C16orf78: variants seen among roughly 807,000 people sequenced by gnomAD.
The protein encoded by C16orf78 is uncharacterized protein C16orf78.
C16orf78 carries 19 observed loss-of-function variants against 27.3 expected under a neutral mutation model. The ratio of observed to expected loss-of-function variants is 0.70; its 90% CI spans 0.49 to 1.02. C16orf78 has a LOEUF of 1.02. Among genes scored for constraint, C16orf78 ranks in the 50% least tolerant of loss-of-function variants. The pLI, the probability that C16orf78 is intolerant of heterozygous loss-of-function variation, is 0.00. For missense variants in C16orf78, 339 were observed against 337.0 expected, an observed-to-expected ratio of 1.01 and a Z score of -0.05; for synonymous variants, 130 against 116.1, an observed-to-expected ratio of 1.12 and a Z score of -0.77.
At chr16:49,391,815 T>C (rs944419942) in intron 3 of C16orf78, among the ~76,000 whole-genome samples, 1 of 152,176 alleles carries the variant, frequency 6.6e-6, no homozygotes, top group Non-Finnish European at 1.5e-5. Flanking sequence ...GGAAAGGTGA[T>C]TGCCCTTTCT....
chr16:49,399,110 C>A, intron 4 of C16orf78, 21 bp from the exon 5 acceptor site: 2 of 1,612,292 alleles, frequency 1.2e-6, no homozygotes, highest in African/African-American at 1.3e-5. Context: ...CAACTGACCT[C>A]TTTTGCCTTC....
At chr16:49,394,268 C>A (rs774616161) in intron 3 of C16orf78, among the ~76,000 whole-genome samples, 19 of 151,614 alleles carry the variant, frequency 1.3e-4, no homozygotes, top group Non-Finnish European at 1.9e-4. Context: ...AAAAGTTGGC[C>A]AATAATATAA....
At chr16:49,396,737 T>C in intron 4 of C16orf78, 59 bp downstream of exon 4, 1 of 1,562,044 alleles carries the variant, frequency 6.4e-7, no homozygotes, top group East Asian at 2.2e-5. Context: ...CTTTGCTCAC[T>C]CTTGTCCCTG....
intron 3 of C16orf78, among the ~76,000 whole-genome samples, chr16:49,392,821 C>T (rs541659467): frequency 6.6e-6 from 1 of 152,284 alleles, no homozygotes; most frequent in South Asian, 2.1e-4. Context: ...TATGGTTTGA[C>T]TGTGTCCCCA....
chr16:49,393,582 A>G (rs1965439240), intron 3 of C16orf78, among the ~76,000 whole-genome samples: 1 of 152,168 alleles, frequency 6.6e-6, no homozygotes, highest in Admixed American at 6.5e-5. Flanking sequence ...CCTATGAGAC[A>G]TAGGCAAAAC....
In C16orf78 at chr16:49,377,728, C is replaced by T. The variant is rs919891758; in HGVS notation, c.151-3C>T. On this transcript the variant is annotated splice_polypyrimidine_tract_variant and splice_region_variant and intron_variant, in intron 1 of 4. Coordinates refer to ENST00000299191, the MANE Select transcript of C16orf78 (RefSeq NM_144602.4). ...GCAGGGCTCTCTTCCCTTGTCTTTTCAGAAGCAAAAGCCCAAAGTGGTGAC... is the reference window on the plus strand; with the variant it reads ...GCAGGGCTCTCTTCCCTTGTCTTTTTAGAAGCAAAAGCCCAAAGTGGTGAC... 7 of 1,602,534 alleles carry T rather than the reference C, an allele frequency of 4.4e-6. No homozygotes were observed. The highest frequency in any genetic ancestry group is 1.3e-5 in the African/African-American group (1 of 74,792).
intron 1 of C16orf78, 98 bp downstream of exon 1, chr16:49,374,187 G>A: frequency 1.4e-6 from 2 of 1,471,618 alleles, no homozygotes; most frequent in Non-Finnish European, 1.8e-6. Flanking sequence ...CAAAAGGCGG[G>A]ATGGTTTTGA....
chr16:49,394,607 G>T (rs1234673567), intron 3 of C16orf78, among the ~76,000 whole-genome samples: 1 of 151,958 alleles, frequency 6.6e-6, no homozygotes, highest in East Asian at 1.9e-4. Context: ...TCTAAATGAT[G>T]CAATGCCCAA....
intron 3 of C16orf78, among the ~76,000 whole-genome samples, chr16:49,382,446 T>TAAA (rs199794435): frequency 2.6e-5 from 4 of 151,518 alleles, no homozygotes; most frequent in African/African-American, 9.7e-5. Flanking sequence ...AATAAATAAA[T>TAAA]TTAAAAAAAA....
chr16:49,375,343 A>T (rs1360835367), intron 1 of C16orf78, among the ~76,000 whole-genome samples: 9 of 151,316 alleles, frequency 5.9e-5, no homozygotes, highest in South Asian at 2.1e-4. Context: ...AAAAAAAATA[A>T]AAAAAAATGT....
intron 1 of C16orf78, among the ~76,000 whole-genome samples, chr16:49,376,275 C>G (rs1357458951): frequency 6.6e-6 from 1 of 152,246 alleles, no homozygotes; most frequent in African/African-American, 2.4e-5. Flanking sequence ...CATTTGGCAT[C>G]AGCGAAGACC....
At chr16:49,380,877 T>C (rs1442368229) in intron 3 of C16orf78, among the ~76,000 whole-genome samples, 1 of 151,306 alleles carries the variant, frequency 6.6e-6, no homozygotes, top group African/African-American at 2.5e-5. Context: ...CAGCACCATT[T>C]ATTAAATAGG....
rs146305207 is a variant in C16orf78 at position 49,378,829 on chromosome 16, A to C, written c.394+236A>C. Among the ~76,000 whole-genome samples, 106 of 152,308 alleles carry C rather than the reference A, an allele frequency of 7.0e-4. 2 individuals are homozygous for C. Among genetic ancestry groups the C allele is most frequent in the African/African-American group, 2.4e-3 (101 of 41,558 alleles). On this transcript the variant is annotated intron_variant, in intron 3 of 4. Transcript: ENST00000299191. ...CAAGTGTCTGTCAAGGCCCTGCCCC[A>C]TCTCGAGTGTTCCCTTCTCAGGAAA...
Position 49,399,169 on chromosome 16 carries a change from T to C in C16orf78, c.689T>C (p.Leu230Pro), listed in dbSNP as rs113336631. The change falls in exon 5 of 5, where the codon CTC (leucine) becomes CCC (proline). Residue 230 changes from leucine (L) to proline (P), a missense_variant. Transcript: ENST00000299191. Reference protein sequence around the residue: ...RLSKENIRTLLKLCKDAGMNV... With the variant: ...RLSKENIRTLPKLCKDAGMNV... The stretch of plus-strand genomic sequence containing the variant: ...TCCAAGGAGAACATTCGGACCTTGC[T>C]CAAGTTGTGCAAGGATGCAGGAATG... 3.2e-5 allele frequency: 51 copies of C among 1,614,114 alleles called. No individual in the cohort carries two copies. Among genetic ancestry groups the C allele is most frequent in the Non-Finnish European group, 4.1e-5 (48 of 1,179,978 alleles).
intron 3 of C16orf78, 133 bp downstream of exon 3, chr16:49,378,726 C>G: frequency 7.4e-7 from 1 of 1,353,820 alleles, no homozygotes; most frequent in Non-Finnish European, 1.0e-6. Context: ...ACACAGGAGT[C>G]AGAAGCCCAC....
Position 49,399,366 on chromosome 16 carries a change from C to T in C16orf78, c.*88C>T, listed in dbSNP as rs1190076437. The T allele has an allele frequency of 2.7e-6, 4 of 1,480,612 alleles. No homozygotes were observed. Among genetic ancestry groups the T allele is most frequent in the East Asian group, 4.6e-5 (2 of 43,938 alleles). 91.7% of individuals were successfully genotyped at this position (1,480,612 alleles called of 1,614,324 possible). On this transcript the variant is annotated 3_prime_UTR_variant, in exon 5 of 5. Coordinates refer to ENST00000299191, the MANE Select transcript of C16orf78 (RefSeq NM_144602.4). ...CATCCTCTGGCACACTACAAGTGGT[C>T]CTTCCAACTTAGTGCATCCCTTTAG... is the stretch of plus-strand genomic sequence containing the variant.
chr16:49,380,063 G>A (rs1009619673), intron 3 of C16orf78, among the ~76,000 whole-genome samples: 1 of 152,182 alleles, frequency 6.6e-6, no homozygotes, highest in Admixed American at 6.5e-5. Context: ...TCCTGCCCTT[G>A]AACATCAGAC....
At chr16:49,398,813 A>G (rs1421483827) in intron 4 of C16orf78, among the ~76,000 whole-genome samples, 3 of 152,190 alleles carry the variant, frequency 2.0e-5, no homozygotes, top group Non-Finnish European at 4.4e-5. Context: ...TTTTATTTAT[A>G]TAGCTTTTCT....
chr16:49,398,348 T>A (rs1219304180), intron 4 of C16orf78, among the ~76,000 whole-genome samples: 2 of 152,314 alleles, frequency 1.3e-5, no homozygotes, highest in East Asian at 3.9e-4. Flanking sequence ...GGGACCAAGG[T>A]CAGAGTTGCT....
Sources: gnomAD v4.1 joint callset for allele counts (sites outside exome capture counted in the v4.1 genomes callset) on GRCh38, gnomAD v4.1.1 for gene constraint, MANE v1.5 for transcripts, NCBI Gene and HGNC (gene_info 2026-07-23, HGNC 2026-07-21) for gene names.